The following PTPRD variants were observed in gnomAD, a reference collection of about 807,000 sequenced individuals.
PTPRD encodes the protein receptor-type tyrosine-protein phosphatase delta.
A neutral mutation model predicts 214.5 loss-of-function variants in PTPRD; 34 were observed. The ratio of observed to expected loss-of-function variants is 0.16; its 90% CI spans 0.12 to 0.21. The LOEUF (loss-of-function observed/expected upper bound fraction) is 0.21, where lower values mean the gene tolerates loss of function less well. Among genes scored for constraint, PTPRD ranks in the 10% least tolerant of loss-of-function variants. The probability of loss-of-function intolerance (pLI) is 1.00; values close to 1 mark genes in which losing one functional copy is unlikely to be tolerated. For missense variants in PTPRD, 2,545 were observed against 2,398.7 expected (o/e 1.06, Z -1.27); for synonymous variants, 1,128 against 845.7 (o/e 1.33, Z -5.79).
In PTPRD at chr9:10,476,858, C is replaced by T. The variant is rs111682873; in HGVS notation, c.-600+135540G>A. On this transcript the variant is annotated intron_variant, in intron 2 of 45. Coordinates refer to ENST00000381196, the MANE Select transcript of PTPRD (RefSeq NM_002839.4). ...CACACATCTACAACCATCATATCTT[C>T]GACATACCTGACAACAAGCAATAGG... is the stretch of plus-strand genomic sequence containing the variant. Among the ~76,000 whole-genome samples the T allele has an allele frequency of 8.7e-3, 1,318 of 152,062 alleles. 11 individuals are homozygous for T. The highest frequency in any genetic ancestry group is 0.014 in the Non-Finnish European group (982 of 67,940).
chr9:10,301,229 A>G (rs2095853023), intron 3 of PTPRD, among the ~76,000 whole-genome samples: 1 of 152,142 alleles, frequency 6.6e-6, no homozygotes, highest in Admixed American at 6.5e-5. Context: ...CAACATCAAC[A>G]AAAGGGACGT....
intron 5 of PTPRD, among the ~76,000 whole-genome samples, chr9:9,902,125 A>G (rs1325062324): frequency 6.6e-6 from 1 of 152,120 alleles, no homozygotes; most frequent in Non-Finnish European, 1.5e-5. Context: ...CTGTTTTCAT[A>G]TAATTGATAT....
intron 10 of PTPRD, among the ~76,000 whole-genome samples, chr9:9,172,686 T>C (rs1270995396): frequency 6.6e-6 from 1 of 152,120 alleles, no homozygotes; most frequent in African/African-American, 2.4e-5. Flanking sequence ...TCTGTGTCAT[T>C]CTTGGCCCCT....
chr9:9,216,018 T>C (rs527524837), intron 9 of PTPRD, among the ~76,000 whole-genome samples: 1 of 152,282 alleles, frequency 6.6e-6, no homozygotes, highest in South Asian at 2.1e-4. Flanking sequence ...CAGTACTTGC[T>C]GTGTGGTTCA....
At chr9:8,935,410 C>G (rs55808864) in intron 11 of PTPRD, among the ~76,000 whole-genome samples, 2 of 55,086 alleles carry the variant, frequency 3.6e-5, no homozygotes, top group Non-Finnish European at 6.8e-5. Flanking sequence ...ACCAGTGAAT[C>G]GAAAGATCTG....
intron 10 of PTPRD, among the ~76,000 whole-genome samples, chr9:9,040,323 T>C (rs572540268): frequency 6.6e-6 from 1 of 152,214 alleles, no homozygotes; most frequent in African/African-American, 2.4e-5. Flanking sequence ...CAGAGTCTTC[T>C]GGTGATGGGC....
intron 2 of PTPRD, among the ~76,000 whole-genome samples, chr9:10,494,876 T>C (rs973363689): frequency 6.6e-6 from 1 of 151,638 alleles, no homozygotes; most frequent in African/African-American, 2.4e-5. Context: ...TAGCATATAA[T>C]GTATTGTAAA....
At chr9:8,449,484 T>A (rs1225120525) in intron 34 of PTPRD, among the ~76,000 whole-genome samples, 3 of 152,212 alleles carry the variant, frequency 2.0e-5, no homozygotes, top group African/African-American at 7.2e-5. Flanking sequence ...AAGACTATAG[T>A]TCTTCCAAAA....
chr9:8,321,685 C>G (rs867791981), intron 44 of PTPRD, among the ~76,000 whole-genome samples: 58 of 151,506 alleles, frequency 3.8e-4, no homozygotes, highest in African/African-American at 1.3e-3. Context: ...TAAAGATACT[C>G]TTTTCCTTAG....
chr9:9,578,765 G>A (rs1008859837), intron 7 of PTPRD, among the ~76,000 whole-genome samples: 1 of 151,946 alleles, frequency 6.6e-6, no homozygotes, highest in African/African-American at 2.4e-5. Context: ...GCCAACAATT[G>A]CCTGAATAAA....
chr9:8,615,213 G>A (rs1240499575), intron 14 of PTPRD, among the ~76,000 whole-genome samples: 1 of 151,766 alleles, frequency 6.6e-6, no homozygotes, highest in Non-Finnish European at 1.5e-5. Flanking sequence ...CAATACACAT[G>A]TGTAACTCCC....
intron 12 of PTPRD, among the ~76,000 whole-genome samples, chr9:8,704,117 G>C (rs932841286): frequency 1.3e-5 from 2 of 152,128 alleles, no homozygotes; most frequent in Non-Finnish European, 2.9e-5. Context: ...ATAAGAGTAG[G>C]GGCCAGCATT....
intron 7 of PTPRD, among the ~76,000 whole-genome samples, chr9:9,706,523 T>A (rs951916957): frequency 2.3e-4 from 35 of 151,918 alleles, no homozygotes; most frequent in African/African-American, 8.5e-4. Flanking sequence ...CACTGCAACC[T>A]CCACCTCCTG....
At chr9:10,582,796 C>T (rs537953583) in intron 2 of PTPRD, among the ~76,000 whole-genome samples, 1 of 152,230 alleles carries the variant, frequency 6.6e-6, no homozygotes, top group South Asian at 2.1e-4. Context: ...AAATACTGTG[C>T]AGAAGTAATT....
intron 5 of PTPRD, among the ~76,000 whole-genome samples, chr9:9,860,388 G>A (rs1156657575): frequency 1.3e-5 from 2 of 152,204 alleles, no homozygotes; most frequent in African/African-American, 4.8e-5. Flanking sequence ...TTGGTTGTCT[G>A]CATATAAAGT....
At chr9:8,502,079 A>T (rs756759729) in intron 23 of PTPRD, among the ~76,000 whole-genome samples, 3 of 152,188 alleles carry the variant, frequency 2.0e-5, no homozygotes, top group Non-Finnish European at 2.9e-5. Flanking sequence ...TAGAAGACAT[A>T]CTTTCTTACT....
At chr9:8,909,504 A>T (rs2098732173) in intron 11 of PTPRD, among the ~76,000 whole-genome samples, 1 of 152,170 alleles carries the variant, frequency 6.6e-6, no homozygotes, top group African/African-American at 2.4e-5. Context: ...AAGCCATATG[A>T]TCATTTCAAT....
At chr9:8,630,190 A>C (rs2096206290) in intron 14 of PTPRD, among the ~76,000 whole-genome samples, 1 of 151,758 alleles carries the variant, frequency 6.6e-6, no homozygotes, top group Non-Finnish European at 1.5e-5. Context: ...ACGTGGACGA[A>C]ATGGGAATCT....
At chr9:9,745,866 G>A (rs779227037) in intron 6 of PTPRD, among the ~76,000 whole-genome samples, 8 of 152,098 alleles carry the variant, frequency 5.3e-5, no homozygotes, top group Non-Finnish European at 1.2e-4. Context: ...CCCAGTTGTT[G>A]TCTCTAGAAC....
Sources: gnomAD v4.1 joint callset for allele counts (sites outside exome capture counted in the v4.1 genomes callset) on GRCh38, gnomAD v4.1.1 for gene constraint, MANE v1.5 for transcripts, NCBI Gene and HGNC (gene_info 2026-07-23, HGNC 2026-07-21) for gene names.